The following KLHL1 variants were observed in gnomAD, a reference collection of about 807,000 sequenced individuals.
The protein encoded by KLHL1 is kelch like family member 1.
Under a neutral mutation model 77.7 loss-of-function variants are expected in KLHL1, and 47 were observed. That is an observed-to-expected ratio of 0.60 (90% CI 0.48 to 0.77). KLHL1 has a LOEUF of 0.77. KLHL1 is among the 30% of genes least tolerant of loss of function. The pLI is 0.00. For synonymous variants in KLHL1, 360 were observed against 325.2 expected (o/e 1.11, Z -1.15); for missense variants, 925 against 910.8 (o/e 1.02, Z -0.20).
intron 1 of KLHL1, among the ~76,000 whole-genome samples, chr13:70,011,261 A>C (rs1593671922): frequency 1.3e-5 from 2 of 152,186 alleles, no homozygotes; most frequent in East Asian, 3.9e-4. Flanking sequence ...AACTACATTA[A>C]ATGCTTTGGA....
At chr13:70,085,888 C>A (rs1887523712) in intron 1 of KLHL1, among the ~76,000 whole-genome samples, 1 of 152,082 alleles carries the variant, frequency 6.6e-6, no homozygotes, top group African/African-American at 2.4e-5. Context: ...AACAAACAAA[C>A]AAAGAACACT....
At chr13:70,059,223 A>C (rs370115479) in intron 1 of KLHL1, among the ~76,000 whole-genome samples, 1 of 151,700 alleles carries the variant, frequency 6.6e-6, no homozygotes, top group Admixed American at 6.6e-5. Context: ...CAGTGGCACA[A>C]CCTTGGCTTA....
At chr13:69,993,613 C>G (rs942816942) in intron 1 of KLHL1, among the ~76,000 whole-genome samples, 2 of 152,096 alleles carry the variant, frequency 1.3e-5, no homozygotes, top group Non-Finnish European at 1.5e-5. Flanking sequence ...TGTTGCCATG[C>G]TGACTGTGAA....
chr13:70,053,142 A>G (rs1017465684), intron 1 of KLHL1, among the ~76,000 whole-genome samples: 3 of 152,082 alleles, frequency 2.0e-5, no homozygotes, highest in African/African-American at 7.2e-5. Context: ...GTGTAGTCTT[A>G]AAAGAAACAT....
intron 6 of KLHL1, among the ~76,000 whole-genome samples, chr13:69,806,524 T>C (rs1356741359): frequency 6.6e-6 from 1 of 152,064 alleles, no homozygotes; most frequent in African/African-American, 2.4e-5. Flanking sequence ...TAAGTAAAGA[T>C]AGTGTTCCAG....
intron 6 of KLHL1, among the ~76,000 whole-genome samples, chr13:69,806,601 A>G (rs1314912498): frequency 6.6e-6 from 1 of 151,942 alleles, no homozygotes; most frequent in Non-Finnish European, 1.5e-5. Flanking sequence ...GTGGGGAAAC[A>G]ATAAGATAGA....
chr13:70,015,242 C>A (rs1374256613), intron 1 of KLHL1, among the ~76,000 whole-genome samples: 2 of 152,100 alleles, frequency 1.3e-5, no homozygotes, highest in Non-Finnish European at 2.9e-5. Flanking sequence ...TACTGCACAC[C>A]TAGACATATG....
At chr13:69,794,922 T>C (rs1357694887) in intron 7 of KLHL1, among the ~76,000 whole-genome samples, 3 of 152,094 alleles carry the variant, frequency 2.0e-5, no homozygotes, top group Non-Finnish European at 4.4e-5. Flanking sequence ...AATATCAACA[T>C]CTATGCAATG....
intron 6 of KLHL1, among the ~76,000 whole-genome samples, chr13:69,801,424 G>A (rs1244676813): frequency 6.6e-6 from 1 of 152,060 alleles, no homozygotes; most frequent in Non-Finnish European, 1.5e-5. Context: ...TATTAGGAGT[G>A]GTTATATCCA....
intron 1 of KLHL1, among the ~76,000 whole-genome samples, chr13:70,043,385 A>G (rs1405878508): frequency 5.3e-5 from 8 of 152,214 alleles, no homozygotes; most frequent in Admixed American, 5.2e-4. Flanking sequence ...AGTTACAGAA[A>G]GTTAAGATCA....
intron 1 of KLHL1, among the ~76,000 whole-genome samples, chr13:70,081,708 G>T (rs1286989164): frequency 6.6e-6 from 1 of 152,162 alleles, no homozygotes; most frequent in African/African-American, 2.4e-5. Context: ...GCTTCTTGTA[G>T]AATGGCAGTG....
intron 1 of KLHL1, among the ~76,000 whole-genome samples, chr13:70,006,244 T>G (rs1292442087): frequency 6.6e-6 from 1 of 152,038 alleles, no homozygotes; most frequent in Non-Finnish European, 1.5e-5. Flanking sequence ...TATACGACAT[T>G]TTCTTTATCT....
intron 1 of KLHL1, among the ~76,000 whole-genome samples, chr13:69,987,067 TA>T (rs1259728710): frequency 4.6e-5 from 7 of 151,958 alleles, no homozygotes; most frequent in African/African-American, 1.4e-4. Context: ...GAAATTATCA[TA>T]AAAAATTTAT....
chr13:69,765,314 A>C (rs1021867921), intron 7 of KLHL1, among the ~76,000 whole-genome samples: 1 of 152,100 alleles, frequency 6.6e-6, no homozygotes, highest in Non-Finnish European at 1.5e-5. Flanking sequence ...ATACTTTATG[A>C]ATAATATGAA....
intron 1 of KLHL1, among the ~76,000 whole-genome samples, chr13:70,076,540 T>C (rs1887271277): frequency 6.7e-6 from 1 of 149,476 alleles, no homozygotes; most frequent in Non-Finnish European, 1.5e-5. Context: ...TAGGAGAAAA[T>C]CTACATGACC....
At chr13:69,813,481 TACACACACAC>T (rs141973704) in intron 6 of KLHL1, among the ~76,000 whole-genome samples, 1 of 146,272 alleles carries the variant, frequency 6.8e-6, no homozygotes, top group Admixed American at 6.9e-5. Context: ...TACACACACA[TACACACACAC>T]ACACACACAC....
In KLHL1 at chr13:69,732,753, G is replaced by T. The variant is rs567529095; in HGVS notation, c.1802+7641C>A. 1.2e-4 allele frequency among the ~76,000 whole-genome samples: 18 copies of T among 151,902 alleles called. No individual in the cohort carries two copies. In the East Asian group the frequency reaches 2.9e-3, roughly 25 times the overall value. ...GTAGCACCAGACACACCTAGTTTGC[G>T]GTTTTTCTAAGACACGCCATCGGCT... On this transcript the variant is annotated intron_variant, in intron 8 of 10. Coordinates refer to ENST00000377844, the MANE Select transcript of KLHL1 (RefSeq NM_020866.3).
intron 1 of KLHL1, among the ~76,000 whole-genome samples, chr13:70,099,717 T>C (rs536067286): frequency 6.6e-6 from 1 of 152,164 alleles, no homozygotes; most frequent in East Asian, 1.9e-4. Flanking sequence ...ATTTTTTCAT[T>C]TAATCGTAGT....
intron 1 of KLHL1, among the ~76,000 whole-genome samples, chr13:70,100,715 C>G: frequency 6.6e-6 from 1 of 152,150 alleles, no homozygotes; most frequent in Non-Finnish European, 1.5e-5. Flanking sequence ...TTCATCAGAT[C>G]TTTTCTTTAA....
Sources: allele counts gnomAD v4.1 joint callset (sites outside exome capture counted in the v4.1 genomes callset), GRCh38; gene constraint gnomAD v4.1.1; transcripts MANE v1.5; gene names NCBI Gene and HGNC (gene_info 2026-07-23, HGNC 2026-07-21).